The following IFT81 variants were observed in gnomAD, a reference collection of about 807,000 sequenced individuals.
The protein encoded by IFT81 is intraflagellar transport protein 81 homolog.
Under a neutral mutation model 102.6 loss-of-function variants are expected in IFT81, and 72 were observed. The ratio of observed to expected loss-of-function variants is 0.70; its 90% CI spans 0.58 to 0.85. IFT81 has a LOEUF of 0.85. Ranked by LOEUF, IFT81 falls within the 40% of genes least tolerant of loss-of-function variation. The probability of loss-of-function intolerance (pLI) is 0.00; values close to 1 mark genes in which losing one functional copy is unlikely to be tolerated. For missense variants in IFT81, 723 were observed against 787.3 expected, an observed-to-expected ratio of 0.92 and a Z score of 0.98; for synonymous variants, 237 against 242.7, an observed-to-expected ratio of 0.98 and a Z score of 0.22.
At chr12:110,190,127 G>C (rs886682749) in intron 12 of IFT81, among the ~76,000 whole-genome samples, 9 of 152,092 alleles carry the variant, frequency 5.9e-5, no homozygotes, top group Admixed American at 2.0e-4. Flanking sequence ...AGAAAACAAA[G>C]CTCTTTCATC....
At chr12:110,147,478 A>C (rs1895290404) in intron 10 of IFT81, among the ~76,000 whole-genome samples, 1 of 152,232 alleles carries the variant, frequency 6.6e-6, no homozygotes, top group African/African-American at 2.4e-5. Flanking sequence ...TATTTTATCC[A>C]CAACTAAATT....
intron 11 of IFT81, among the ~76,000 whole-genome samples, chr12:110,178,932 T>C (rs1897167586): frequency 2.0e-5 from 3 of 151,640 alleles, no homozygotes; most frequent in African/African-American, 4.8e-5. Flanking sequence ...TTCCTTTAAA[T>C]ATTATGCTAC....
intron 8 of IFT81, among the ~76,000 whole-genome samples, chr12:110,137,470 A>G (rs924947669): frequency 6.6e-6 from 1 of 152,056 alleles, no homozygotes; most frequent in Non-Finnish European, 1.5e-5. Context: ...GTGGTAGCTC[A>G]CACTTATAAT....
intron 14 of IFT81, among the ~76,000 whole-genome samples, chr12:110,193,821 G>A (rs552205649): frequency 2.6e-5 from 4 of 152,186 alleles, no homozygotes; most frequent in East Asian, 3.9e-4. Context: ...TTGAATATTA[G>A]AGCATCACAA....
chr12:110,146,184 A>G (rs952498691), intron 9 of IFT81, among the ~76,000 whole-genome samples: 9 of 152,310 alleles, frequency 5.9e-5, no homozygotes, highest in African/African-American at 2.2e-4. Flanking sequence ...CAAAGGATGG[A>G]TACACTGAAA....
At chr12:110,126,609 T>A (rs1893857855) in intron 1 of IFT81, among the ~76,000 whole-genome samples, 1 of 152,028 alleles carries the variant, frequency 6.6e-6, no homozygotes, top group Non-Finnish European at 1.5e-5. Flanking sequence ...AATTTGGAAA[T>A]AAAGTTGGAA....
chr12:110,127,314 T>C (rs1356878386), intron 1 of IFT81, 46 bp from the exon 2 acceptor site: 15 of 1,387,674 alleles, frequency 1.1e-5, no homozygotes, highest in Non-Finnish European at 1.3e-5. Context: ...ACCCAGGACT[T>C]TTGTTGCCAG....
chr12:110,128,852 A>G, intron 3 of IFT81, 98 bp from the exon 4 acceptor site: 3 of 863,922 alleles, frequency 3.5e-6, no homozygotes, highest in Non-Finnish European at 5.4e-6. Context: ...ACAGAAAGCA[A>G]TTTGGACATT....
chr12:110,201,412 A>C (rs1898264316), intron 14 of IFT81, among the ~76,000 whole-genome samples: 1 of 151,828 alleles, frequency 6.6e-6, no homozygotes, highest in African/African-American at 2.4e-5. Context: ...CAAAAAAAAA[A>C]AAAAAGGTGA....
At chr12:110,154,889 A>G (rs762182090) in intron 10 of IFT81, among the ~76,000 whole-genome samples, 13 of 151,684 alleles carry the variant, frequency 8.6e-5, no homozygotes, top group Non-Finnish European at 1.8e-4. Flanking sequence ...TGTCTGCTAA[A>G]TCTAGTTGAT....
rs1237868671 is a variant in IFT81, at chr12:110,190,973, G to T, written c.1392G>T (p.Glu464Asp). The T allele has an allele frequency of 6.2e-7, 1 of 1,609,292 alleles. No individual in the cohort carries two copies. The change falls in exon 13 of 19, where the codon GAG (glutamate) becomes GAT (aspartate). Residue 464 changes from glutamate (E) to aspartate (D), a missense_variant. Physicochemically the swap from Glu to Asp is conservative, Grantham distance 45. Transcript: ENST00000242591. The part of the protein sequence containing the change: ...GISGYSYTQE[E>D]LERVSALKSE... ...CTGGATATAGTTACACCCAAGAAGA[G>T]CTAGAAAGAGTATCTGCACTGAAGA...
intron 10 of IFT81, among the ~76,000 whole-genome samples, chr12:110,156,495 CCTTA>C (rs1315487226): frequency 6.6e-6 from 1 of 151,720 alleles, no homozygotes; most frequent in Non-Finnish European, 1.5e-5. Context: ...TTAATTTATT[CCTTA>C]CTTTTTTTTT....
intron 5 of IFT81, among the ~76,000 whole-genome samples, chr12:110,133,534 A>G (rs1185701666): frequency 7.9e-5 from 12 of 151,710 alleles, no homozygotes; most frequent in Non-Finnish European, 5.9e-5. Context: ...AAGCTGAGGC[A>G]GGAGGATCAC....
intron 11 of IFT81, among the ~76,000 whole-genome samples, chr12:110,175,575 AAACTCGTCCTTTAACAG>A (rs1377230539): frequency 6.6e-6 from 1 of 152,238 alleles, no homozygotes; most frequent in Non-Finnish European, 1.5e-5. Context: ...ATTTTTTAAA[AAACTCGTCCTTTAACAG>A]ATAGTTTGAA....
chr12:110,130,381 T>TC (rs146439540), intron 4 of IFT81, among the ~76,000 whole-genome samples: 8 of 151,392 alleles, frequency 5.3e-5, no homozygotes, highest in African/African-American at 9.7e-5. Context: ...TTTTTTTTTT[T>TC]CCGAGACAGA....
intron 10 of IFT81, among the ~76,000 whole-genome samples, chr12:110,159,087 C>A (rs1896002572): frequency 6.6e-6 from 1 of 152,192 alleles, no homozygotes; most frequent in South Asian, 2.1e-4. Context: ...AAATTAGGTT[C>A]TCTCTTTTCC....
At position 110,139,852 on chromosome 12, in the gene IFT81, A is replaced by T. The variant is rs867361787; in HGVS notation, c.781+2992A>T. 5.2e-3 allele frequency among the ~76,000 whole-genome samples: 666 copies of T among 127,636 alleles called. 10 individuals carry two copies. Among genetic ancestry groups the T allele is most frequent in the African/African-American group, 0.013 (369 of 29,318 alleles). 83.7% of individuals were successfully genotyped at this position (127,636 alleles called of 152,430 possible). ...TAAAATAAAATAAAATAAAATAAAT[A>T]AAATAAAATAAAATATAAAATAAAA... On this transcript the variant is annotated intron_variant, in intron 8 of 18. Coordinates refer to ENST00000242591, the MANE Select transcript of IFT81 (RefSeq NM_014055.4).
intron 11 of IFT81, chr12:110,169,035 T>TCCTTCCTC (rs1555264549): frequency 2.4e-4 from 30 of 125,822 alleles, no homozygotes; most frequent in Non-Finnish European, 4.9e-4. Context: ...CTTCCTTCCT[T>TCCTTCCTC]CCTTCCTTCC....
At chr12:110,161,411 G>GTGC (rs1896128248) in intron 10 of IFT81, among the ~76,000 whole-genome samples, 1 of 150,704 alleles carries the variant, frequency 6.6e-6, no homozygotes, top group Non-Finnish European at 1.5e-5. Flanking sequence ...GCCTCCCAAA[G>GTGC]TGCTGGTATT....
Sources: allele counts gnomAD v4.1 joint callset (sites outside exome capture counted in the v4.1 genomes callset), GRCh38; gene constraint gnomAD v4.1.1; transcripts MANE v1.5; gene names NCBI Gene and HGNC (gene_info 2026-07-23, HGNC 2026-07-21).